COPG2: variants seen among roughly 807,000 people sequenced by gnomAD.
COPG2 encodes coatomer subunit gamma-2.
Under a neutral mutation model 46.3 loss-of-function variants are expected in COPG2, and 37 were observed. The ratio of observed to expected loss-of-function variants is 0.80; its 90% CI spans 0.61 to 1.05. COPG2 has a LOEUF of 1.05. COPG2 is among the 50% of genes least tolerant of loss of function. The pLI, the probability that COPG2 is intolerant of heterozygous loss-of-function variation, is 0.00. For synonymous variants in COPG2, 159 were observed against 129.7 expected (o/e 1.23, Z -1.53); for missense variants, 427 against 387.8 (o/e 1.10, Z -0.85).
At position 130,557,817 on chromosome 7, in the gene COPG2, C is replaced by CAAAAAAAAAA. The variant is rs1382087826; in HGVS notation, c.1129-2695_1129-2686dup. The stretch of plus-strand genomic sequence containing the variant: ...GGGCAGCAAGAATGAAACTCCATCT[C>CAAAAAAAAAA]AAAAAAAAAAAAAAAAAAAAATCAT... On this transcript the variant is annotated intron_variant, in intron 12 of 23. Coordinates refer to ENST00000425248, the MANE Select transcript of COPG2 (RefSeq NM_012133.6). Among the ~76,000 whole-genome samples, 54 of 12,224 alleles carry CAAAAAAAAAA rather than the reference C, an allele frequency of 4.4e-3. 19 individuals carry two copies. The highest frequency in any genetic ancestry group is 0.019 in the African/African-American group (45 of 2,368). 8.0% of individuals were successfully genotyped at this position (12,224 alleles called of 152,430 possible).
chr7:130,626,521 T>C (rs1554454313), intron 5 of COPG2, among the ~76,000 whole-genome samples: 1 of 151,798 alleles, frequency 6.6e-6, no homozygotes, highest in East Asian at 1.9e-4. Flanking sequence ...AGTGCTGGGA[T>C]TACAGGCGTG....
At chr7:130,663,275 C>G (rs782272351) in intron 3 of COPG2, among the ~76,000 whole-genome samples, 10 of 152,120 alleles carry the variant, frequency 6.6e-5, no homozygotes, top group Non-Finnish European at 1.3e-4. Context: ...CTTAAAAGTT[C>G]TGGCATAGTG....
chr7:130,509,190 T>C, intron 20 of COPG2: 1 of 461,046 alleles, frequency 2.2e-6, no homozygotes, highest in Non-Finnish European at 4.3e-6. Context: ...ACCTTCAGCC[T>C]AAAGTGAGTA....
intron 5 of COPG2, among the ~76,000 whole-genome samples, chr7:130,648,932 A>C (rs1331459912): frequency 3.9e-5 from 6 of 152,148 alleles, no homozygotes; most frequent in African/African-American, 1.4e-4. Flanking sequence ...AGGTCCACAG[A>C]TGAAGAGGAA....
intron 9 of COPG2, among the ~76,000 whole-genome samples, chr7:130,564,964 T>C (rs1171449893): frequency 1.3e-5 from 2 of 152,220 alleles, no homozygotes; most frequent in African/African-American, 4.8e-5. Context: ...TTGGTTAATC[T>C]TGCAGCTGCC....
At chr7:130,614,789 C>T (rs1554452629) in intron 6 of COPG2, among the ~76,000 whole-genome samples, 2 of 152,154 alleles carry the variant, frequency 1.3e-5, no homozygotes, top group Non-Finnish European at 2.9e-5. Flanking sequence ...GGGCATCGGC[C>T]TGGTTTTAGA....
chr7:130,657,416 T>G (rs1276049660), intron 4 of COPG2, among the ~76,000 whole-genome samples: 1 of 152,142 alleles, frequency 6.6e-6, no homozygotes, highest in Non-Finnish European at 1.5e-5. Context: ...GTAATTGATA[T>G]AAAACTACAA....
intron 9 of COPG2, among the ~76,000 whole-genome samples, chr7:130,578,686 A>T (rs1415429909): frequency 6.6e-6 from 1 of 152,232 alleles, no homozygotes; most frequent in African/African-American, 2.4e-5. Context: ...AAGGCCCGAG[A>T]ACTATATGAA....
chr7:130,550,411 CAAAA>C (rs1158918044), intron 17 of COPG2, 109 bp downstream of exon 17: 90 of 104,370 alleles, frequency 8.6e-4, no homozygotes, highest in Middle Eastern at 4.1e-3. Context: ...GACTCTATCT[CAAAA>C]AAAAAAAAAA....
intron 6 of COPG2, among the ~76,000 whole-genome samples, chr7:130,616,364 A>AT (rs1438723606): frequency 9.9e-5 from 15 of 152,154 alleles, no homozygotes; most frequent in African/African-American, 2.4e-4. Flanking sequence ...CATGGCGATG[A>AT]TTATTCTGAA....
intron 20 of COPG2, among the ~76,000 whole-genome samples, chr7:130,529,580 G>T (rs1183002457): frequency 6.6e-6 from 1 of 152,202 alleles, no homozygotes; most frequent in African/African-American, 2.4e-5. Flanking sequence ...TTGGTGGTAT[G>T]CCTGGTATTA....
At chr7:130,511,086 T>C (rs1351059208) in intron 20 of COPG2, 3 of 446,208 alleles carry the variant, frequency 6.7e-6, no homozygotes, top group South Asian at 3.4e-5. Flanking sequence ...AGATAGATGC[T>C]GGCAGCTAAG....
intron 5 of COPG2, among the ~76,000 whole-genome samples, chr7:130,624,409 T>C (rs1458566750): frequency 6.6e-6 from 1 of 152,176 alleles, no homozygotes; most frequent in Non-Finnish European, 1.5e-5. Context: ...ATGAAGACTA[T>C]TGATTTTTTT....
At chr7:130,605,630 GCA>G (rs1481749428) in intron 9 of COPG2, 1 of 465,618 alleles carries the variant, frequency 2.1e-6, no homozygotes, top group Non-Finnish European at 4.3e-6. Context: ...ACCTCTAGAG[GCA>G]CAGACTAACC....
chr7:130,564,676 C>A (rs1793774721), intron 9 of COPG2, among the ~76,000 whole-genome samples: 1 of 152,118 alleles, frequency 6.6e-6, no homozygotes, highest in Admixed American at 6.5e-5. Flanking sequence ...GGTGTTTTAA[C>A]CTACTCATTC....
chr7:130,627,158 T>G (rs1554454397), intron 5 of COPG2, among the ~76,000 whole-genome samples: 1 of 152,226 alleles, frequency 6.6e-6, no homozygotes, highest in Non-Finnish European at 1.5e-5. Context: ...CCGTTTCCTA[T>G]AGTAAATGCT....
chr7:130,575,981 T>C lies in COPG2; in HGVS notation c.738-11588A>G, dbSNP rs965265519. 1.8e-4 allele frequency among the ~76,000 whole-genome samples: 28 copies of C among 152,184 alleles called. 1 individual carries two copies. Among genetic ancestry groups the C allele is most frequent in the Admixed American group, 3.3e-4 (5 of 15,282 alleles). ...AGTTAAAAGAGACAAAGGGGTACATTAGATAATGGTAAAAGCCCTTGTCCA... is the reference window on the plus strand; with the variant it reads ...AGTTAAAAGAGACAAAGGGGTACATCAGATAATGGTAAAAGCCCTTGTCCA... On this transcript the variant is annotated intron_variant, in intron 9 of 23. Transcript: ENST00000425248.
intron 9 of COPG2, among the ~76,000 whole-genome samples, chr7:130,593,799 A>G (rs575989388): frequency 9.7e-4 from 148 of 152,356 alleles, no homozygotes; most frequent in African/African-American, 3.2e-3. Flanking sequence ...GTAGATTACA[A>G]ACCTAAAATA....
chr7:130,550,260 A>C (rs1270653214), intron 17 of COPG2, among the ~76,000 whole-genome samples: 2 of 151,928 alleles, frequency 1.3e-5, no homozygotes, highest in African/African-American at 4.8e-5. Flanking sequence ...AAAATAGAAA[A>C]ATTAGCCAGG....
Sources: allele counts gnomAD v4.1 joint callset (sites outside exome capture counted in the v4.1 genomes callset), GRCh38; gene constraint gnomAD v4.1.1; transcripts MANE v1.5; gene names NCBI Gene and HGNC (gene_info 2026-07-23, HGNC 2026-07-21).